Variants in PREX2 observed in about 807,000 individuals in gnomAD.
PREX2 encodes phosphatidylinositol 3,4,5-trisphosphate-dependent Rac exchanger 2 protein.
A neutral mutation model predicts 203.2 loss-of-function variants in PREX2; 107 were observed. The observed-to-expected ratio is 0.53, with a 90% CI of 0.45 to 0.62. The LOEUF is 0.62. Ranked by LOEUF, PREX2 falls within the 20% of genes least tolerant of loss-of-function variation. The pLI is 0.00. For synonymous variants in PREX2, 672 were observed against 663.6 expected (o/e 1.01, Z -0.19); for missense variants, 1,777 against 1,955.9 (o/e 0.91, Z 1.72).
At chr8:68,082,928 A>G (rs1052344117) in intron 17 of PREX2, 13 of 201,180 alleles carry the variant, frequency 6.5e-5, no homozygotes, top group Non-Finnish European at 1.1e-4. Context: ...TTTGGATTTG[A>G]TTATAGTTAA....
Position 68,072,564 on chromosome 8 carries a change from T to G in PREX2, c.1563T>G (p.Ile521Met). 6.4e-7 allele frequency: 1 copy of G among 1,571,340 alleles called. No homozygotes were observed. Among genetic ancestry groups the G allele is most frequent in the East Asian group, 2.2e-5 (1 of 44,502 alleles). ...CCAACAAACTGATAGACTGGTTAATTGCACAGGTAAATAGACAAATAGAAG... is the reference window on the plus strand; with the variant it reads ...CCAACAAACTGATAGACTGGTTAATGGCACAGGTAAATAGACAAATAGAAG... ...VMANKLIDWL[I>M]AQGDCRTREE... is the part of the protein sequence containing the mutation. Residue 521 changes from isoleucine (I) to methionine (M), a missense_variant, in exon 14 of 40, where the codon ATT (isoleucine) becomes ATG (methionine). Coordinates refer to ENST00000288368, the MANE Select transcript of PREX2 (RefSeq NM_024870.4).
At chr8:68,133,968 T>G in intron 31 of PREX2, 91 bp from the exon 32 acceptor site, 1 of 987,704 alleles carries the variant, frequency 1.0e-6, no homozygotes, top group Admixed American at 2.1e-5. Context: ...AGTGAAAAGA[T>G]GAAATGCTAG....
chr8:68,022,742 T>A (rs1807606099), intron 4 of PREX2, among the ~76,000 whole-genome samples: 1 of 152,066 alleles, frequency 6.6e-6, no homozygotes, highest in African/African-American at 2.4e-5. Flanking sequence ...CATTTTTAGA[T>A]CATTTTTGTC....
chr8:68,078,388 C>G (rs1270661213), intron 15 of PREX2, among the ~76,000 whole-genome samples: 2 of 152,180 alleles, frequency 1.3e-5, no homozygotes, highest in African/African-American at 4.8e-5. Flanking sequence ...ATCTCGAACT[C>G]CTGACCTCAA....
chr8:68,213,588 A>G (rs79307024), intron 37 of PREX2, among the ~76,000 whole-genome samples: 2,140 of 152,340 alleles, frequency 0.014, 62 homozygotes, highest in African/African-American at 0.049. Flanking sequence ...CTTCAAATTA[A>G]ATGGGACCCA....
intron 35 of PREX2, among the ~76,000 whole-genome samples, chr8:68,173,054 G>C (rs567027724): frequency 1.7e-4 from 26 of 152,220 alleles, no homozygotes; most frequent in African/African-American, 6.3e-4. Flanking sequence ...AATTGGACTT[G>C]TTGGTTATTT....
intron 28 of PREX2, among the ~76,000 whole-genome samples, chr8:68,119,884 T>A (rs1810734817): frequency 6.6e-6 from 1 of 152,194 alleles, no homozygotes; most frequent in Non-Finnish European, 1.5e-5. Context: ...TTTGTTGTTT[T>A]ACATTAACAA....
chr8:68,044,828 A>G (rs189783497), intron 8 of PREX2, among the ~76,000 whole-genome samples: 1 of 152,250 alleles, frequency 6.6e-6, no homozygotes, highest in East Asian at 1.9e-4. Flanking sequence ...ATACAGAGAA[A>G]TAGCCGAGTA....
Position 68,120,167 on chromosome 8 carries a change from T to C in PREX2, c.3505-29T>C, listed in dbSNP as rs776602901. On this transcript the variant is annotated intron_variant, in intron 28 of 39. Transcript: ENST00000288368. ...TACGTATCATGTACTATGAGAAATA[T>C]GTAACTCGGAAATCTCTACTATTGA... 5.7e-6 allele frequency: 8 copies of C among 1,410,910 alleles called. No individual in the cohort carries two copies. In the African/African-American group the frequency reaches 7.1e-5, roughly 12 times the overall value. The allele number at this position is 1,410,910 out of a possible 1,614,324, so 87.4% of individuals were successfully genotyped here.
At chr8:68,231,253 G>C in intron 39 of PREX2, 80 bp from the exon 40 acceptor site, 1 of 968,724 alleles carries the variant, frequency 1.0e-6, no homozygotes. Context: ...TATCATCAAT[G>C]TATTTGTTCT....
intron 37 of PREX2, among the ~76,000 whole-genome samples, chr8:68,215,283 T>C (rs1049446793): frequency 1.1e-4 from 17 of 152,202 alleles, no homozygotes; most frequent in African/African-American, 2.2e-4. Context: ...GTCTTGTTTA[T>C]AAGTGAGTAC....
Position 68,083,354 on chromosome 8 carries a change from CCT to C in PREX2, c.1996_1997del (p.Leu666LysfsTer19). 6.2e-7 allele frequency: 1 copy of C among 1,610,358 alleles called. No homozygotes were observed. The highest frequency in any genetic ancestry group is 8.5e-7 in the Non-Finnish European group (1 of 1,177,638). On this transcript the variant is annotated frameshift_variant, in exon 18 of 40. Coordinates refer to ENST00000288368, the MANE Select transcript of PREX2 (RefSeq NM_024870.4). LOFTEE classifies it high-confidence loss of function. Reference sequence around the variant, plus strand: ...GAAATCGTGTTTAAACAGCAGAAAACCTCTAAGAGTTCTTGTGAGCACAAAGC... The same window carrying C: ...GAAATCGTGTTTAAACAGCAGAAAACCTAAGAGTTCTTGTGAGCACAAAGC... ...FLKSCLNSRKPLRVLVSTKPR... is the reference protein window; with the variant it reads ...FLKSCLNSRKXLRVLVSTKPR...
chr8:68,105,296 A>G, intron 23 of PREX2: 1 of 1,367,710 alleles, frequency 7.3e-7, no homozygotes, highest in Non-Finnish European at 9.8e-7. Flanking sequence ...AGGATGGAAG[A>G]CAGCACTGCA....
intron 1 of PREX2, among the ~76,000 whole-genome samples, chr8:67,981,483 C>G (rs1806269055): frequency 1.3e-5 from 2 of 152,206 alleles, no homozygotes; most frequent in South Asian, 4.1e-4. Context: ...ACAATAACCA[C>G]TAGATAGAAG....
intron 14 of PREX2, 43 bp from the exon 15 acceptor site, chr8:68,077,354 T>G: frequency 7.0e-7 from 1 of 1,420,060 alleles, no homozygotes; most frequent in Admixed American, 1.7e-5. Context: ...CCACAAAGCC[T>G]TTAGTTGCCT....
chr8:68,106,737 G>T (rs1467681321), intron 23 of PREX2, among the ~76,000 whole-genome samples: 1 of 152,082 alleles, frequency 6.6e-6, no homozygotes, highest in Non-Finnish European at 1.5e-5. Context: ...ACCAGTCATA[G>T]TCTTAATTTT....
chr8:68,184,303 G>C (rs1421484981), intron 35 of PREX2, among the ~76,000 whole-genome samples: 1 of 152,138 alleles, frequency 6.6e-6, no homozygotes, highest in African/African-American at 2.4e-5. Flanking sequence ...TGCTGTAGTA[G>C]TAAAGTTCAG....
chr8:68,143,698 T>G (rs1811270069), intron 33 of PREX2, among the ~76,000 whole-genome samples: 1 of 152,190 alleles, frequency 6.6e-6, no homozygotes, highest in Non-Finnish European at 1.5e-5. Flanking sequence ...TTACATTTGA[T>G]GGGATATAGC....
At chr8:68,225,153 C>T (rs1360506852) in intron 39 of PREX2, among the ~76,000 whole-genome samples, 1 of 152,124 alleles carries the variant, frequency 6.6e-6, no homozygotes, top group Non-Finnish European at 1.5e-5. Flanking sequence ...TTCCTTTGCC[C>T]AACCTGAATA....
Sources: allele counts gnomAD v4.1 joint callset (sites outside exome capture counted in the v4.1 genomes callset), GRCh38; gene constraint gnomAD v4.1.1; transcripts MANE v1.5; gene names NCBI Gene and HGNC (gene_info 2026-07-23, HGNC 2026-07-21).